The following UBE2Q1 variants were observed in gnomAD, a reference collection of about 807,000 sequenced individuals.
UBE2Q1 encodes ubiquitin conjugating enzyme E2 Q1, also known as ubiquitin-conjugating enzyme E2 Q1.
UBE2Q1 carries 6 observed loss-of-function variants against 60.1 expected under a neutral mutation model. The ratio of observed to expected loss-of-function variants is 0.10; its 90% CI spans 0.05 to 0.20. UBE2Q1 has a LOEUF of 0.20. Ranked by LOEUF, UBE2Q1 falls within the 10% of genes least tolerant of loss-of-function variation. The pLI is 1.00. For synonymous variants in UBE2Q1, 226 were observed against 208.3 expected (o/e 1.09, Z -0.73); for missense variants, 262 against 525.8 (o/e 0.50, Z 4.91).
chr1:154,554,571 C>A (rs1169075235), intron 4 of UBE2Q1, 164 bp downstream of exon 4: 2 of 669,692 alleles, frequency 3.0e-6, no homozygotes, highest in African/African-American at 3.6e-5. Flanking sequence ...ATATGGGTGC[C>A]CTGTCTCCTC....
rs960014917 is a variant in UBE2Q1 at position 154,550,785 on chromosome 1, C to T, written c.1237+153G>A. The T allele has an allele frequency of 9.1e-6, 9 of 985,342 alleles. No homozygotes were observed. The Admixed American group carries it at 3.1e-4, about 34-fold the overall frequency. The allele number at this position is 985,342 out of a possible 1,614,324, so 61.0% of individuals were successfully genotyped here. ...GGAAGAGGTTGTGAATGTTAGCCAC[C>T]GCCAGTCCCTCCTGGGAGAACTGGG... is the stretch of plus-strand genomic sequence containing the variant. On this transcript the variant is annotated intron_variant, in intron 12 of 12. Transcript: ENST00000292211.
chr1:154,551,513 G>A (rs774327296), intron 10 of UBE2Q1, 21 bp from the exon 11 acceptor site: 3 of 1,612,200 alleles, frequency 1.9e-6, no homozygotes, highest in Non-Finnish European at 2.5e-6. Context: ...GGAAGGACAA[G>A]GCAAGCAGGT....
At chr1:154,554,471 A>G (rs1307388358) in intron 4 of UBE2Q1, among the ~76,000 whole-genome samples, 2 of 152,244 alleles carry the variant, frequency 1.3e-5, no homozygotes, top group Non-Finnish European at 2.9e-5. Flanking sequence ...GCTAGGATGC[A>G]AACACAGGTT....
chr1:154,551,534 C>T (rs1301199494), intron 10 of UBE2Q1, 42 bp from the exon 11 acceptor site: 15 of 1,598,178 alleles, frequency 9.4e-6, no homozygotes, highest in Non-Finnish European at 1.3e-5. Context: ...CCAGATGGAG[C>T]TTCCAGAGAA....
At chr1:154,551,340 G>T in intron 11 of UBE2Q1, 57 bp downstream of exon 11, 1 of 1,566,872 alleles carries the variant, frequency 6.4e-7, no homozygotes, top group Non-Finnish European at 8.8e-7. Context: ...CCTGCTAGTG[G>T]CCCCAAGTGT....
At chr1:154,555,821 A>G (rs774840171) in intron 2 of UBE2Q1, 39 bp downstream of exon 2, 10 of 1,591,672 alleles carry the variant, frequency 6.3e-6, no homozygotes, top group South Asian at 1.1e-5. Flanking sequence ...CATGGGCCTC[A>G]TAAGAACAAA....
chr1:154,558,554 CCTCCG>C lies in UBE2Q1; in HGVS notation c.-6_-2del, dbSNP rs569049313. On this transcript the variant is annotated 5_prime_UTR_variant, in exon 1 of 13. Coordinates refer to ENST00000292211, the MANE Select transcript of UBE2Q1 (RefSeq NM_017582.7). ...GCCCCTGCGGCTGCGGCTGCTGCATCCTCCGCTCCGCTCCGCTCCGGGGCCGGCGG... is the reference window on the plus strand; with the variant it reads ...GCCCCTGCGGCTGCGGCTGCTGCATCCTCCGCTCCGCTCCGGGGCCGGCGG... 29 of 1,059,192 alleles carry C rather than the reference CCTCCG, an allele frequency of 2.7e-5. No homozygotes were observed. The highest frequency in any genetic ancestry group is 7.8e-5 in the East Asian group (1 of 12,886). The allele number at this position is 1,059,192 out of a possible 1,614,324, so 65.6% of individuals were successfully genotyped here.
chr1:154,551,283 C>T, intron 11 of UBE2Q1, 114 bp downstream of exon 11: 1 of 1,164,530 alleles, frequency 8.6e-7, no homozygotes, highest in South Asian at 1.4e-5. Context: ...TCCAATGCCA[C>T]CAGCCCGGGG....
rs904162612 is a variant in UBE2Q1 at position 154,558,564 on chromosome 1, G to T, written c.-11C>A. ...CTGCGGCTGCTGCATCCTCCGCTCC[G>T]CTCCGCTCCGGGGCCGGCGGGCCGG... On this transcript the variant is annotated 5_prime_UTR_variant, in exon 1 of 13. Coordinates refer to ENST00000292211, the MANE Select transcript of UBE2Q1 (RefSeq NM_017582.7). 26 of 1,032,312 alleles carry T rather than the reference G, an allele frequency of 2.5e-5. No homozygotes were observed. Among genetic ancestry groups the T allele is most frequent in the Non-Finnish European group, 2.9e-5 (25 of 869,398 alleles). 63.9% of individuals were successfully genotyped at this position (1,032,312 alleles called of 1,614,324 possible). A position where few individuals can be genotyped will look rare whatever the true frequency, so the allele number is the denominator to read the frequency against.
At chr1:154,555,711 C>T in intron 2 of UBE2Q1, 149 bp downstream of exon 2, 5 of 890,230 alleles carry the variant, frequency 5.6e-6, no homozygotes, top group Non-Finnish European at 1.8e-6. Context: ...CAGGGTCTCC[C>T]TCTGGCTTCA....
intron 2 of UBE2Q1, among the ~76,000 whole-genome samples, 157 bp downstream of exon 2, chr1:154,555,703 G>A (rs1297741599): frequency 6.6e-6 from 1 of 152,068 alleles, no homozygotes. Flanking sequence ...GGCCGATGCA[G>A]GGTCTCCCTC....
intron 6 of UBE2Q1, 65 bp from the exon 7 acceptor site, chr1:154,552,529 A>G (rs1695809130): frequency 6.3e-7 from 1 of 1,581,188 alleles, no homozygotes; most frequent in East Asian, 2.2e-5. Flanking sequence ...TCTAATGCAG[A>G]CCCCTTTCCC....
At chr1:154,551,101 G>A (rs991867491) in intron 11 of UBE2Q1, 97 bp from the exon 12 acceptor site, 20 of 1,436,978 alleles carry the variant, frequency 1.4e-5, no homozygotes, top group Non-Finnish European at 2.0e-5. Context: ...CAGAGTCCCA[G>A]CTCCCAGCAC....
intron 3 of UBE2Q1, among the ~76,000 whole-genome samples, 197 bp downstream of exon 3, chr1:154,555,231 A>G (rs942389979): frequency 2.0e-5 from 3 of 152,220 alleles, no homozygotes; most frequent in Non-Finnish European, 2.9e-5. Flanking sequence ...TTTTGATATC[A>G]GAGATGAAGC....
Position 154,548,592 on chromosome 1 carries a change from A to G in UBE2Q1, c.*1846T>C, listed in dbSNP as rs1571004919. On this transcript the variant is annotated 3_prime_UTR_variant, in exon 13 of 13. Transcript: ENST00000292211. ...AGAGCCAAACTATTTAAATAATTTT[A>G]TTTGTTTCATCCTTTGGTAGATGAG... 6.6e-6 allele frequency: 1 copy of G among 152,648 alleles called. No individual in the cohort carries two copies. The highest frequency in any genetic ancestry group is 1.5e-5 in the Non-Finnish European group (1 of 68,034). 9.5% of individuals were successfully genotyped at this position (152,648 alleles called of 1,614,324 possible). A position where few individuals can be genotyped will look rare whatever the true frequency, so the allele number is the denominator to read the frequency against.
intron 4 of UBE2Q1, chr1:154,553,468 G>A (rs1695828377): frequency 3.7e-6 from 1 of 272,134 alleles, no homozygotes; most frequent in Non-Finnish European, 7.0e-6. Flanking sequence ...GACTGACCCT[G>A]CTCCAACTGT....
In UBE2Q1 at chr1:154,554,787, T is replaced by A. The variant is rs745652960; in HGVS notation, c.538-2A>T. 6.2e-7 allele frequency: 1 copy of A among 1,613,324 alleles called. No homozygotes were observed. Among genetic ancestry groups the A allele is most frequent in the South Asian group, 1.1e-5 (1 of 91,022 alleles). On this transcript the variant is annotated splice_acceptor_variant, in intron 3 of 12. Transcript: ENST00000292211. LOFTEE classifies it high-confidence loss of function. The stretch of plus-strand genomic sequence containing the variant: ...TGAAGACACGTCTTCCTGTGTGCAC[T>A]GCAGCAAGGAAGGGAAAGATGGAGA...
Position 154,551,471 on chromosome 1 carries a change from T to C in UBE2Q1, c.1096A>G (p.Ile366Val). 3 of 1,614,166 alleles carry C rather than the reference T, an allele frequency of 1.9e-6. No individual in the cohort carries two copies. Among genetic ancestry groups the C allele is most frequent in the Non-Finnish European group, 2.5e-6 (3 of 1,180,006 alleles). Reference sequence around the variant, plus strand: ...CTGATCTGCATGATCACTGACTCTATGGAGTAGGCACTGCTCCAGCCCTGG... The same window carrying C: ...CTGATCTGCATGATCACTGACTCTACGGAGTAGGCACTGCTCCAGCCCTGG... ...TKQGWSSAYS[I>V]ESVIMQISAT... The change falls in exon 11 of 13, where the codon ATA (isoleucine) becomes GTA (valine). Residue 366 changes from isoleucine to valine, a missense_variant. Ile to Val is a conservative substitution (Grantham distance 29, BLOSUM62 3). Around this residue, in one of 5 missense-constraint regions of UBE2Q1, gnomAD observed 22 missense variants for 121.5 expected, o/e 0.18. Coordinates refer to ENST00000292211, the MANE Select transcript of UBE2Q1 (RefSeq NM_017582.7).
chr1:154,550,518 C>A (rs2149361124), intron 12 of UBE2Q1, 49 bp from the exon 13 acceptor site: 1 of 1,611,764 alleles, frequency 6.2e-7, no homozygotes, highest in Non-Finnish European at 8.5e-7. Flanking sequence ...GGCCCACCCT[C>A]CCTGTCCTGC....
Sources: gnomAD v4.1 joint callset for allele counts (sites outside exome capture counted in the v4.1 genomes callset) on GRCh38, gnomAD v4.1.1 for gene constraint, gnomAD v4.1.1 regional missense constraint, MANE v1.5 for transcripts, NCBI Gene and HGNC (gene_info 2026-07-23, HGNC 2026-07-21) for gene names.